Variants in CNTN5 observed in about 807,000 individuals in gnomAD.
CNTN5 encodes contactin-5.
In CNTN5, 77 loss-of-function variants were observed where a neutral mutation model predicts 129.1. The ratio of observed to expected loss-of-function variants is 0.60; its 90% confidence interval spans 0.50 to 0.72. CNTN5 has a LOEUF of 0.72. CNTN5 is among the 30% of genes least tolerant of loss of function. The pLI is 0.00. For missense variants in CNTN5, 1,478 were observed against 1,328.8 expected, an observed-to-expected ratio of 1.11 and a Z score of -1.75; for synonymous variants, 509 against 465.6, an observed-to-expected ratio of 1.09 and a Z score of -1.20.
At chr11:99,335,832 G>A (rs557372548) in intron 2 of CNTN5, among the ~76,000 whole-genome samples, 123 of 152,238 alleles carry the variant, frequency 8.1e-4, no homozygotes, top group African/African-American at 2.5e-3. Flanking sequence ...CAGAGAAGCA[G>A]GATGAGACTC....
At chr11:99,568,963 A>G (rs1949091098) in intron 3 of CNTN5, among the ~76,000 whole-genome samples, 1 of 152,100 alleles carries the variant, frequency 6.6e-6, no homozygotes, top group South Asian at 2.1e-4. Context: ...TAGCTTTCAC[A>G]CTGAAATTTG....
chr11:100,050,191 C>T (rs2137733947), intron 9 of CNTN5, among the ~76,000 whole-genome samples: 1 of 152,256 alleles, frequency 6.6e-6, no homozygotes, highest in South Asian at 2.1e-4. Context: ...TTTATTGTGG[C>T]ACTATTCACA....
chr11:100,193,163 G>A (rs1948541139), intron 14 of CNTN5, among the ~76,000 whole-genome samples: 1 of 151,936 alleles, frequency 6.6e-6, no homozygotes, highest in Admixed American at 6.6e-5. Context: ...AAAGTGGTCA[G>A]AGAGGCTACA....
At chr11:99,693,548 C>T (rs1050620970) in intron 3 of CNTN5, among the ~76,000 whole-genome samples, 1 of 151,848 alleles carries the variant, frequency 6.6e-6, no homozygotes, top group Middle Eastern at 3.4e-3. Flanking sequence ...GCCCAGTGGA[C>T]CGTGAAACAT....
At chr11:99,181,778 G>C (rs1180380239) in intron 1 of CNTN5, among the ~76,000 whole-genome samples, 1 of 152,090 alleles carries the variant, frequency 6.6e-6, no homozygotes, top group African/African-American at 2.4e-5. Flanking sequence ...CCCATATTTT[G>C]GCTCCAAGAT....
intron 9 of CNTN5, among the ~76,000 whole-genome samples, chr11:100,045,803 A>G (rs575697322): frequency 2.5e-4 from 38 of 152,204 alleles, no homozygotes; most frequent in African/African-American, 7.2e-4. Context: ...TCTGATGATG[A>G]CAAAATGAAT....
At chr11:99,460,345 A>AC (rs1314181965) in intron 2 of CNTN5, among the ~76,000 whole-genome samples, 2 of 151,722 alleles carry the variant, frequency 1.3e-5, no homozygotes, top group African/African-American at 4.8e-5. Context: ...AAATAGATAC[A>AC]TTGTAGTAGA....
At chr11:99,110,883 A>T (rs1459788795) in intron 1 of CNTN5, among the ~76,000 whole-genome samples, 2 of 152,174 alleles carry the variant, frequency 1.3e-5, no homozygotes, top group Non-Finnish European at 2.9e-5. Flanking sequence ...TAGATCCATC[A>T]TTATAGCATG....
intron 1 of CNTN5, among the ~76,000 whole-genome samples, chr11:99,085,664 C>A (rs1430843928): frequency 2.6e-5 from 4 of 151,806 alleles, no homozygotes; most frequent in African/African-American, 9.7e-5. Context: ...TTTGGAATAC[C>A]ATTTGGATAG....
chr11:99,578,766 C>T (rs548379806), intron 3 of CNTN5, among the ~76,000 whole-genome samples: 1 of 152,136 alleles, frequency 6.6e-6, no homozygotes, highest in South Asian at 2.1e-4. Context: ...AAATTTTCTC[C>T]CATTCTGTAG....
intron 3 of CNTN5, among the ~76,000 whole-genome samples, chr11:99,611,740 T>C (rs10501919): frequency 0.19 from 29,162 of 152,112 alleles, 3,021 homozygotes; most frequent in Non-Finnish European, 0.23. Context: ...ATGCTTCCTT[T>C]TTTCCGTCAT....
At chr11:99,732,464 G>C (rs2135106351) in intron 3 of CNTN5, among the ~76,000 whole-genome samples, 1 of 152,072 alleles carries the variant, frequency 6.6e-6, no homozygotes, top group South Asian at 2.1e-4. Flanking sequence ...TGAGTACATT[G>C]TACAGTTCTA....
chr11:99,734,529 G>T (rs1275197566), intron 3 of CNTN5, among the ~76,000 whole-genome samples: 1 of 152,146 alleles, frequency 6.6e-6, no homozygotes, highest in Non-Finnish European at 1.5e-5. Context: ...AGACATTCAG[G>T]ATTACAAAAC....
chr11:99,313,868 A>T (rs191228598), intron 1 of CNTN5, among the ~76,000 whole-genome samples: 1 of 152,130 alleles, frequency 6.6e-6, no homozygotes, highest in Admixed American at 6.6e-5. Flanking sequence ...CTTCATCCTT[A>T]GTCGTATCGT....
Position 99,445,552 on chromosome 11 carries a change from A to C in CNTN5, c.-70-110593A>C, listed in dbSNP as rs12363016. On this transcript the variant is annotated intron_variant, in intron 2 of 24. Coordinates refer to ENST00000524871, the MANE Select transcript of CNTN5 (RefSeq NM_014361.4). ...TGTATGTACATCTTTACTAACATTA[A>C]TTTATCTTTCCCATATGTAAAAGAC... 6.1e-3 allele frequency among the ~76,000 whole-genome samples: 933 copies of C among 152,276 alleles called. 7 individuals are homozygous for C. The highest frequency in any genetic ancestry group is 9.6e-3 in the Non-Finnish European group (652 of 68,022).
rs1942990417 is a variant in CNTN5 at position 100,052,159 on chromosome 11, A to G, written c.981-9053A>G. On this transcript the variant is annotated intron_variant, in intron 9 of 24. Transcript: ENST00000524871. ...TACATCATCTTAGTAAATACAGAAA[A>G]TGCATATAACAAAATCCATTATACA... Among the ~76,000 whole-genome samples, 6 of 151,962 alleles carry G rather than the reference A, an allele frequency of 3.9e-5. No homozygotes were observed. In the South Asian group the frequency reaches 1.2e-3, roughly 31 times the overall value.
At chr11:99,665,458 A>C (rs1274711896) in intron 3 of CNTN5, among the ~76,000 whole-genome samples, 1 of 149,824 alleles carries the variant, frequency 6.7e-6, no homozygotes, top group Non-Finnish European at 1.5e-5. Context: ...TGATTTTATT[A>C]CGGGAGCATT....
intron 1 of CNTN5, among the ~76,000 whole-genome samples, chr11:99,161,039 TGA>T (rs1860586902): frequency 6.6e-6 from 1 of 152,098 alleles, no homozygotes; most frequent in African/African-American, 2.4e-5. Flanking sequence ...TGACAGAAAC[TGA>T]GTGTAGAAAA....
At chr11:99,496,667 T>C (rs145173669) in intron 2 of CNTN5, among the ~76,000 whole-genome samples, 63 of 152,322 alleles carry the variant, frequency 4.1e-4, no homozygotes, top group African/African-American at 1.4e-3. Flanking sequence ...TCTGCCTCTC[T>C]ACTACTTAAA....
Sources: allele counts gnomAD v4.1 joint callset (sites outside exome capture counted in the v4.1 genomes callset), GRCh38; gene constraint gnomAD v4.1.1; transcripts MANE v1.5; gene names NCBI Gene and HGNC (gene_info 2026-07-23, HGNC 2026-07-21).